Variants in CSMD1 observed in about 807,000 individuals in gnomAD.
CSMD1 encodes the protein CUB and Sushi multiple domains 1, also known as CUB and sushi domain-containing protein 1.
Under a neutral mutation model 417.5 loss-of-function variants are expected in CSMD1, and 213 were observed. That is an observed-to-expected ratio of 0.51 (90% CI 0.46 to 0.57). The LOEUF (loss-of-function observed/expected upper bound fraction) is 0.57. Ranked by LOEUF, CSMD1 falls within the 20% of genes least tolerant of loss-of-function variation. The pLI is 0.00. For missense variants in CSMD1, 6,923 were observed against 4,529.7 expected (o/e 1.53, Z -15.17); for synonymous variants, 2,862 against 1,736.8 (o/e 1.65, Z -16.11).
chr8:3,637,779 C>A (rs1423627712), intron 7 of CSMD1, among the ~76,000 whole-genome samples: 1 of 152,130 alleles, frequency 6.6e-6, no homozygotes, highest in Non-Finnish European at 1.5e-5. Flanking sequence ...CCATAATTCC[C>A]ACATCTTGGG....
chr8:3,773,539 G>A (rs1297781661), intron 5 of CSMD1, among the ~76,000 whole-genome samples: 1 of 152,022 alleles, frequency 6.6e-6, no homozygotes, highest in African/African-American at 2.4e-5. Flanking sequence ...CTCCCACCTT[G>A]GCCTCCCAAA....
At chr8:4,378,464 C>G (rs1802892997) in intron 3 of CSMD1, among the ~76,000 whole-genome samples, 3 of 152,214 alleles carry the variant, frequency 2.0e-5, no homozygotes, top group African/African-American at 7.2e-5. Flanking sequence ...GTCTAGCACT[C>G]TGTCTCCCTA....
intron 2 of CSMD1, among the ~76,000 whole-genome samples, chr8:4,629,057 G>C (rs1201367303): frequency 6.6e-6 from 1 of 152,074 alleles, no homozygotes; most frequent in Non-Finnish European, 1.5e-5. Flanking sequence ...CTTAACTAGT[G>C]AGAGTTATTG....
chr8:4,120,104 AC>A (rs1368875375), intron 3 of CSMD1, among the ~76,000 whole-genome samples: 1 of 152,066 alleles, frequency 6.6e-6, no homozygotes, highest in East Asian at 1.9e-4. Context: ...GGGGATGGAC[AC>A]CCCATTATCC....
At chr8:3,957,585 G>C (rs1013160064) in intron 5 of CSMD1, among the ~76,000 whole-genome samples, 2 of 152,252 alleles carry the variant, frequency 1.3e-5, no homozygotes, top group Middle Eastern at 3.4e-3. Flanking sequence ...TCAGAAGGCT[G>C]AGGTGGACAG....
chr8:4,242,347 C>G (rs530380897), intron 3 of CSMD1, among the ~76,000 whole-genome samples: 159 of 152,018 alleles, frequency 1.0e-3, no homozygotes, highest in Non-Finnish European at 1.1e-3. Flanking sequence ...AATTTGCAAC[C>G]TCCCTAAGTA....
chr8:4,935,381 A>G (rs1807544779), intron 1 of CSMD1, among the ~76,000 whole-genome samples: 1 of 152,128 alleles, frequency 6.6e-6, no homozygotes, highest in Non-Finnish European at 1.5e-5. Context: ...CCTCCTGCAC[A>G]TGCACCTCAA....
chr8:4,331,520 C>T (rs929401862), intron 3 of CSMD1, among the ~76,000 whole-genome samples: 1 of 152,044 alleles, frequency 6.6e-6, no homozygotes, highest in East Asian at 1.9e-4. Context: ...GTTGTTGTAT[C>T]CCATTCTCAT....
chr8:4,901,781 T>C (rs1804885821), intron 1 of CSMD1, among the ~76,000 whole-genome samples: 1 of 152,150 alleles, frequency 6.6e-6, no homozygotes, highest in East Asian at 1.9e-4. Flanking sequence ...GGTGCCTTCC[T>C]TGGAGGGAGG....
intron 5 of CSMD1, among the ~76,000 whole-genome samples, chr8:3,755,453 C>A (rs376258122): frequency 6.6e-6 from 1 of 152,148 alleles, no homozygotes; most frequent in African/African-American, 2.4e-5. Flanking sequence ...CAAAATGATG[C>A]TTATTAGTGT....
At chr8:4,440,038 T>A (rs1204290578) in intron 2 of CSMD1, among the ~76,000 whole-genome samples, 1 of 152,172 alleles carries the variant, frequency 6.6e-6, no homozygotes, top group Non-Finnish European at 1.5e-5. Context: ...AAGCTTAATA[T>A]ATCTAAAATA....
At chr8:4,503,476 T>C (rs1056236959) in intron 2 of CSMD1, among the ~76,000 whole-genome samples, 1 of 152,196 alleles carries the variant, frequency 6.6e-6, no homozygotes, top group African/African-American at 2.4e-5. Flanking sequence ...GATACTTACC[T>C]ATACATATTA....
chr8:4,184,500 G>T (rs568598237), intron 3 of CSMD1, among the ~76,000 whole-genome samples: 1 of 152,088 alleles, frequency 6.6e-6, no homozygotes, highest in Non-Finnish European at 1.5e-5. Context: ...AGAAAATGTG[G>T]CATGTATACA....
intron 12 of CSMD1, among the ~76,000 whole-genome samples, chr8:3,422,411 T>A (rs559776126): frequency 6.6e-5 from 10 of 152,176 alleles, no homozygotes; most frequent in Non-Finnish European, 1.2e-4. Context: ...GTTCTTCCAC[T>A]CACTTTTCCC....
intron 3 of CSMD1, among the ~76,000 whole-genome samples, chr8:4,236,772 CA>C (rs1207701229): frequency 6.6e-6 from 1 of 152,156 alleles, no homozygotes; most frequent in East Asian, 1.9e-4. Flanking sequence ...ATACATTTTA[CA>C]AGGTGGGCAA....
At chr8:3,542,893 T>A (rs28610258) in intron 10 of CSMD1, among the ~76,000 whole-genome samples, 4 of 151,980 alleles carry the variant, frequency 2.6e-5, no homozygotes, top group Non-Finnish European at 4.4e-5. Flanking sequence ...CAAGTGGGGC[T>A]CATGCGGTGG....
intron 1 of CSMD1, among the ~76,000 whole-genome samples, chr8:4,789,993 T>C (rs1797607157): frequency 6.6e-6 from 1 of 152,182 alleles, no homozygotes; most frequent in African/African-American, 2.4e-5. Flanking sequence ...CATGTGCAAC[T>C]CAATGGAGGC....
At chr8:3,586,867 T>A (rs541155948) in intron 8 of CSMD1, among the ~76,000 whole-genome samples, 21 of 152,328 alleles carry the variant, frequency 1.4e-4, no homozygotes, top group African/African-American at 5.0e-4. Context: ...TGGCACGACC[T>A]TGGCTCACTG....
At chr8:3,909,013 G>C (rs1808286579) in intron 5 of CSMD1, among the ~76,000 whole-genome samples, 1 of 152,170 alleles carries the variant, frequency 6.6e-6, no homozygotes, top group Non-Finnish European at 1.5e-5. Context: ...ACTGTAGGAG[G>C]CTTGCCTTTC....
Sources: allele counts gnomAD v4.1 joint callset (sites outside exome capture counted in the v4.1 genomes callset), GRCh38; gene constraint gnomAD v4.1.1; transcripts MANE v1.5; gene names NCBI Gene and HGNC (gene_info 2026-07-23, HGNC 2026-07-21).